Variants in MUC5B observed in about 807,000 individuals in gnomAD.
MUC5B encodes the protein mucin-5B.
MUC5B carries 116 observed loss-of-function variants against 376.9 expected under a neutral mutation model. The observed-to-expected ratio is 0.31, with a 90% CI of 0.26 to 0.36. The LOEUF (loss-of-function observed/expected upper bound fraction) is 0.36, where lower values mean the gene tolerates loss of function less well. MUC5B is among the 10% of genes least tolerant of loss of function. The pLI is 1.00. For synonymous variants in MUC5B, 3,517 were observed against 3,390.9 expected (o/e 1.04, Z -1.29); for missense variants, 7,165 against 7,769.9 (o/e 0.92, Z 2.93).
rs1862613951 is a variant in MUC5B at position 1,249,722 on chromosome 11, T to G, written c.12842T>G (p.Val4281Gly). Residue 4281 changes from valine (V) to glycine (G), a missense_variant, in exon 31 of 49, where the codon GTG becomes GGG. By Grantham distance (109) the Val-to-Gly change is moderately radical (BLOSUM62 -3). Transcript: ENST00000529681. ...CCGGGAACAGCTCCCCCTCCCAAAG[T>G]GCTGACCAGCCCGGCCACCACACCC... is the stretch of plus-strand genomic sequence containing the variant. ...STPGTAPPPK[V>G]LTSPATTPTA... 42 of 1,606,564 alleles carry G rather than the reference T, an allele frequency of 2.6e-5. 1 individual carries two copies. The highest frequency in any genetic ancestry group is 3.5e-5 in the Non-Finnish European group (41 of 1,176,894).
At chr11:1,223,861 C>T (rs928060990) in intron 1 of MUC5B, among the ~76,000 whole-genome samples, 3 of 152,226 alleles carry the variant, frequency 2.0e-5, no homozygotes, top group Admixed American at 6.5e-5. Context: ...CAGGGGCCAC[C>T]GGGAGACACC....
In MUC5B at chr11:1,250,491, A is replaced by G; in HGVS notation, c.13611A>G (p.Leu4537=). The change falls in exon 31 of 49, where the codon CTA becomes CTG. Residue 4537 remains leucine, a synonymous_variant. Transcript: ENST00000529681. ...SSSLGTTWTR[L]SQTTTPTATM... ...CCCTGGGCACCACCTGGACCCGCCTATCACAGACCACCACACCCACGGCCA... is the reference window on the plus strand; with the variant it reads ...CCCTGGGCACCACCTGGACCCGCCTGTCACAGACCACCACACCCACGGCCA... The G allele has an allele frequency of 1.2e-6, 2 of 1,600,826 alleles. No homozygotes were observed. The highest frequency in any genetic ancestry group is 1.7e-6 in the Non-Finnish European group (2 of 1,169,584).
intron 10 of MUC5B, 91 bp from the exon 11 acceptor site, chr11:1,229,914 C>A (rs960138672): frequency 1.9e-6 from 3 of 1,541,700 alleles, no homozygotes; most frequent in Non-Finnish European, 8.8e-7. Flanking sequence ...TCCTGGTGTG[C>A]ACCCACCAGC....
At position 1,242,973 on chromosome 11, in the gene MUC5B, G is replaced by A. The variant is rs1564940170; in HGVS notation, c.6093G>A (p.Gly2031=). ...TVLTATATTT[G]ATGSVATPSS... ...TTACCGCCACGGCCACCACAACTGG[G>A]GCCACCGGCTCTGTGGCCACCCCCT... The change falls in exon 31 of 49, where the codon GGG becomes GGA. Residue 2031 remains glycine (G), a synonymous_variant. Coordinates refer to ENST00000529681, the MANE Select transcript of MUC5B (RefSeq NM_002458.3). 3 of 1,612,650 alleles carry A rather than the reference G, an allele frequency of 1.9e-6. No individual in the cohort carries two copies. The highest frequency in any genetic ancestry group is 2.5e-6 in the Non-Finnish European group (3 of 1,179,324).
intron 14 of MUC5B, 101 bp downstream of exon 14, chr11:1,231,661 G>C: frequency 1.5e-6 from 2 of 1,376,842 alleles, no homozygotes; most frequent in Non-Finnish European, 1.9e-6. Context: ...GCAGGGGACC[G>C]GGGAGGGGGC....
intron 28 of MUC5B, 37 bp from the exon 29 acceptor site, chr11:1,240,008 C>A (rs781004222): frequency 3.1e-5 from 49 of 1,595,848 alleles, no homozygotes; most frequent in Non-Finnish European, 3.8e-5. Context: ...TGCAGGCTGC[C>A]CCCCAGGCCC....
Position 1,223,076 on chromosome 11 carries a change from G to T in MUC5B, c.-48G>T, listed in dbSNP as rs1375438758. On this transcript the variant is annotated 5_prime_UTR_variant, in exon 1 of 49. Coordinates refer to ENST00000529681, the MANE Select transcript of MUC5B (RefSeq NM_002458.3). ...CCCAGGGGAGCAAGCACCCGGCCCG[G>T]CTCCCTCCCTGCCCGTCCCCGTCCC... 3 of 689,700 alleles carry T rather than the reference G, an allele frequency of 4.3e-6. No individual in the cohort carries two copies. The highest frequency in any genetic ancestry group is 3.7e-4 in the Middle Eastern group (1 of 2,692). 42.7% of individuals were successfully genotyped at this position (689,700 alleles called of 1,614,324 possible). A position where few individuals can be genotyped will look rare whatever the true frequency, so the allele number is the denominator to read the frequency against.
chr11:1,223,833 T>C (rs1467128870), intron 1 of MUC5B, among the ~76,000 whole-genome samples: 4 of 152,166 alleles, frequency 2.6e-5, no homozygotes, highest in African/African-American at 7.2e-5. Context: ...TTACTGTCAA[T>C]AGAGAAAGAT....
rs551502589 is a variant in MUC5B at position 1,236,430 on chromosome 11, G to A, written c.2925G>A (p.Ala975=). Residue 975 remains alanine (A), a synonymous_variant, in exon 24 of 49, where the codon GCG becomes GCA. Coordinates refer to ENST00000529681, the MANE Select transcript of MUC5B (RefSeq NM_002458.3). ...AAGAGGGGACCTTTAAGGCGGTGGC[G>A]AGAGGGCCGGGTGGGGACCCACCCT... The part of the protein sequence containing the change: ...ILQEGTFKAV[A]RGPGGDPPYK... The A allele has an allele frequency of 5.6e-5, 90 of 1,612,530 alleles. No homozygotes were observed. The highest frequency in any genetic ancestry group is 7.0e-5 in the Non-Finnish European group (83 of 1,179,654).
chr11:1,246,401 C>T lies in MUC5B; in HGVS notation c.9521C>T (p.Thr3174Met), dbSNP rs202037574. 39,541 of 1,599,342 alleles carry T rather than the reference C, an allele frequency of 0.025. 3 individuals are homozygous for T. Among genetic ancestry groups the T allele is most frequent in the Non-Finnish European group, 0.027 (31,082 of 1,166,974 alleles). ...GAGCCCAGCACTACAGCCACCGTGA[C>T]GGTGCCCACCGGATCCACGGCCACC... is the stretch of plus-strand genomic sequence containing the variant. ...LTEPSTTATV[T>M]VPTGSTATAS... is the part of the protein sequence containing the mutation. Residue 3174 changes from threonine (T) to methionine (M), a missense_variant, in exon 31 of 49, where the codon ACG (threonine) becomes ATG (methionine). Thr to Met is a moderately conservative substitution (Grantham distance 81, BLOSUM62 -1). Around this residue, in one of 31 missense-constraint regions of MUC5B, gnomAD observed 939 missense variants for 770.6 expected, o/e 1.22. Transcript: ENST00000529681.
chr11:1,260,441 C>T (rs377266750), intron 47 of MUC5B, 48 bp downstream of exon 47: 31 of 1,601,508 alleles, frequency 1.9e-5, no homozygotes, highest in Middle Eastern at 1.7e-4. Flanking sequence ...TCCAGCCCGT[C>T]GCCACCCATC....
At position 1,241,967 on chromosome 11, in the gene MUC5B, G is replaced by C; in HGVS notation, c.5087G>C (p.Arg1696Pro). 1 of 1,601,952 alleles carries C rather than the reference G, an allele frequency of 6.2e-7. No individual in the cohort carries two copies. The highest frequency in any genetic ancestry group is 2.3e-5 in the East Asian group (1 of 44,024). Residue 1696 changes from arginine to proline, a missense_variant, in exon 31 of 49, where the codon CGC (arginine) becomes CCC (proline). Around this residue, in one of 31 missense-constraint regions of MUC5B, gnomAD observed 897 missense variants for 779.6 expected, o/e 1.15. Coordinates refer to ENST00000529681, the MANE Select transcript of MUC5B (RefSeq NM_002458.3). The part of the protein sequence containing the change: ...PGVATSTLPT[R>P]SALPGTTGSL... ...GTGGCCACATCCACCCTTCCAACAC[G>C]CTCAGCCCTTCCAGGGACGACGGGG... is the stretch of plus-strand genomic sequence containing the variant.
intron 10 of MUC5B, 65 bp from the exon 11 acceptor site, chr11:1,229,940 G>T: frequency 6.4e-7 from 1 of 1,555,032 alleles, no homozygotes; most frequent in Non-Finnish European, 8.7e-7. Context: ...CCTGCGGTGG[G>T]GGTGTGGAGG....
rs1288193857 is a variant in MUC5B, at chr11:1,259,656, A to C, written c.16714-100A>C. The C allele has an allele frequency of 3.2e-6, 4 of 1,241,520 alleles. No individual in the cohort carries two copies. The East Asian group carries it at 7.0e-5, about 22-fold the overall frequency. 76.9% of individuals were successfully genotyped at this position (1,241,520 alleles called of 1,614,324 possible). ...ATAGGCCCAGGCAGGGACAGGGCTAAGGGGTCCTGGACCACTGGGGTGTAG... is the reference window on the plus strand; with the variant it reads ...ATAGGCCCAGGCAGGGACAGGGCTACGGGGTCCTGGACCACTGGGGTGTAG... On this transcript the variant is annotated intron_variant, in intron 44 of 48. Transcript: ENST00000529681.
In MUC5B at chr11:1,246,805, C is replaced by G. The variant is rs1403694183; in HGVS notation, c.9925C>G (p.Pro3309Ala). The change falls in exon 31 of 49, where the codon CCG becomes GCG. Residue 3309 changes from proline to alanine, a missense_variant. Pro to Ala is a conservative substitution (Grantham distance 27, BLOSUM62 -1). Transcript: ENST00000529681. ...AGGAACAGCTCACACTACCAAAGTG[C>G]CGACTACCACAACCACGGGCTTCAC... Reference protein sequence around the residue: ...TPGTAHTTKVPTTTTTGFTAT... With the variant: ...TPGTAHTTKVATTTTTGFTAT... 1.1e-5 allele frequency: 18 copies of G among 1,607,638 alleles called. No individual in the cohort carries two copies. In the East Asian group the frequency reaches 4.0e-4, roughly 36 times the overall value.
At chr11:1,224,617 C>G (rs1243135667) in intron 1 of MUC5B, among the ~76,000 whole-genome samples, 1 of 151,126 alleles carries the variant, frequency 6.6e-6, no homozygotes, top group Non-Finnish European at 1.5e-5. Context: ...GCGGCGGGAG[C>G]CGGGGCGTGG....
chr11:1,250,346 C>G lies in MUC5B; in HGVS notation c.13466C>G (p.Thr4489Arg), dbSNP rs1410854431. Residue 4489 changes from threonine (T) to arginine (R), a missense_variant, in exon 31 of 49, where the codon ACA (threonine) becomes AGA (arginine). Transcript: ENST00000529681. ...GTGAGCACCACGGCCACGACACCCA[C>G]AGTCACCAGCTCCAAAGCCACTCCC... ...PHVSTTATTP[T>R]VTSSKATPSS... 7 of 1,613,508 alleles carry G rather than the reference C, an allele frequency of 4.3e-6. No homozygotes were observed. The highest frequency in any genetic ancestry group is 4.2e-6 in the Non-Finnish European group (5 of 1,179,706).
In MUC5B at chr11:1,258,467, G is replaced by T; in HGVS notation, c.16593+100G>T. ...CCCCACTCCTTGTCTTGACATTCCT[G>T]CCCTGAGGGCCGATCCGCACAGGGG... On this transcript the variant is annotated intron_variant, in intron 43 of 48. Coordinates refer to ENST00000529681, the MANE Select transcript of MUC5B (RefSeq NM_002458.3). The surrounding 1 kb of genome is among the most constrained non-coding windows in gnomAD (Gnocchi z 5.5). 2 of 1,396,386 alleles carry T rather than the reference G, an allele frequency of 1.4e-6. No individual in the cohort carries two copies. The allele number at this position is 1,396,386 out of a possible 1,614,324, so 86.5% of individuals were successfully genotyped here.
chr11:1,254,972 G>T lies in MUC5B; in HGVS notation c.15665-69G>T. 7 of 1,059,448 alleles carry T rather than the reference G, an allele frequency of 6.6e-6. 1 individual carries two copies. Among genetic ancestry groups the T allele is most frequent in the South Asian group, 1.4e-5 (1 of 70,992 alleles). 65.6% of individuals were successfully genotyped at this position (1,059,448 alleles called of 1,614,324 possible). A position where few individuals can be genotyped will look rare whatever the true frequency, so the allele number is the denominator to read the frequency against. ...GGGAAGCCTGGGGAGGGGAATGAGT[G>T]GGGGAGGGGGGTGGGGGCTGTGAAA... On this transcript the variant is annotated intron_variant, in intron 35 of 48. Transcript: ENST00000529681.
Sources: gnomAD v4.1 joint callset for allele counts (sites outside exome capture counted in the v4.1 genomes callset) on GRCh38, gnomAD v4.1.1 for gene constraint, gnomAD v4.1.1 regional missense constraint, Gnocchi (gnomAD v3.1) non-coding constraint, MANE v1.5 for transcripts, NCBI Gene and HGNC (gene_info 2026-07-23, HGNC 2026-07-21) for gene names.